The following STXBP4 variants were observed in gnomAD, a reference collection of about 807,000 sequenced individuals.
The protein encoded by STXBP4 is syntaxin-binding protein 4.
A neutral mutation model predicts 76.1 loss-of-function variants in STXBP4; 55 were observed. That is an observed-to-expected ratio of 0.72 (90% CI 0.58 to 0.91). The LOEUF is 0.91. STXBP4 is among the 40% of genes least tolerant of loss of function. STXBP4 has a pLI of 0.00. For missense variants in STXBP4, 618 were observed against 636.9 expected (o/e 0.97, Z 0.32); for synonymous variants, 201 against 220.2 (o/e 0.91, Z 0.77).
chr17:55,037,706 C>T (rs1290979672), intron 10 of STXBP4, among the ~76,000 whole-genome samples: 1 of 152,012 alleles, frequency 6.6e-6, no homozygotes, highest in East Asian at 1.9e-4. Context: ...ACATATTTTA[C>T]ACCATACTCA....
chr17:55,061,420 T>C (rs2078993664), intron 12 of STXBP4, among the ~76,000 whole-genome samples: 1 of 152,190 alleles, frequency 6.6e-6, no homozygotes, highest in Non-Finnish European at 1.5e-5. Flanking sequence ...AGTATAGCAC[T>C]AGTAGGTGTT....
In STXBP4 at chr17:55,121,745, G is replaced by C. The variant is rs534465752; in HGVS notation, c.1490-19565G>C. Among the ~76,000 whole-genome samples, 5 of 152,066 alleles carry C rather than the reference G, an allele frequency of 3.3e-5. No individual in the cohort carries two copies. The South Asian group carries it at 1.0e-3, about 32-fold the overall frequency. ...AGAGTGGCCACCCACCCCAGTTCTG[G>C]TCAATGAGTTATAAAGTAAAGTCTG... On this transcript the variant is annotated intron_variant, in intron 16 of 17. Transcript: ENST00000376352.
rs2080333475 is a variant in STXBP4 at position 55,161,152 on chromosome 17, G to A, written c.*1241G>A. ...CCTAGTCTACTGAATTTCATATGGT[G>A]TATAATACAGATTTATATGGTAAAG... On this transcript the variant is annotated 3_prime_UTR_variant, in exon 18 of 18. Transcript: ENST00000376352. The A allele has an allele frequency of 6.6e-6, 1 of 152,140 alleles. No individual in the cohort carries two copies. The highest frequency in any genetic ancestry group is 2.4e-5 in the African/African-American group (1 of 41,424). 9.4% of individuals were successfully genotyped at this position (152,140 alleles called of 1,614,324 possible).
chr17:55,042,851 A>G (rs2078726960), intron 10 of STXBP4, among the ~76,000 whole-genome samples: 1 of 152,162 alleles, frequency 6.6e-6, no homozygotes, highest in South Asian at 2.1e-4. Context: ...TATAATGTAC[A>G]GCATTTTGTT....
intron 13 of STXBP4, among the ~76,000 whole-genome samples, chr17:55,074,582 A>G (rs2079158267): frequency 6.6e-6 from 1 of 152,188 alleles, no homozygotes; most frequent in African/African-American, 2.4e-5. Context: ...TAAATGATAT[A>G]ACTTTCAAGA....
intron 5 of STXBP4, 36 bp from the exon 6 acceptor site, chr17:54,999,596 T>G: frequency 2.5e-6 from 4 of 1,569,998 alleles, no homozygotes; most frequent in Non-Finnish European, 3.5e-6. Flanking sequence ...ACTATATTCA[T>G]AGCATATCCA....
intron 10 of STXBP4, among the ~76,000 whole-genome samples, chr17:55,039,826 A>G (rs2078668287): frequency 6.6e-6 from 1 of 152,136 alleles, no homozygotes; most frequent in Non-Finnish European, 1.5e-5. Flanking sequence ...AATAAGGAGA[A>G]AGCCTTTTTC....
At chr17:55,048,583 G>T (rs1398325873) in intron 12 of STXBP4, among the ~76,000 whole-genome samples, 1 of 151,324 alleles carries the variant, frequency 6.6e-6, no homozygotes, top group Admixed American at 6.6e-5. Context: ...CATCTCAAAT[G>T]AGAAACTTAA....
chr17:55,094,908 T>C (rs1483278467), intron 16 of STXBP4, among the ~76,000 whole-genome samples: 1 of 152,160 alleles, frequency 6.6e-6, no homozygotes, highest in Non-Finnish European at 1.5e-5. Context: ...TGTGAATCAA[T>C]CCCAAAGCTC....
At chr17:55,192,587 T>A in the STXBP4 span, among the ~76,000 whole-genome samples, 3 of 152,168 alleles carry the variant, frequency 2.0e-5, no homozygotes, top group Non-Finnish European at 4.4e-5. Context: ...AGGAAATACC[T>A]GAAGAGGGGA....
chr17:55,176,607 G>A (rs939833713), downstream of STXBP4, among the ~76,000 whole-genome samples: 3 of 152,274 alleles, frequency 2.0e-5, no homozygotes, highest in East Asian at 1.9e-4. Context: ...TCTTAAGTAC[G>A]GTGTGATCAT....
Position 55,161,000 on chromosome 17 carries a change from T to C in STXBP4, c.*1089T>C, listed in dbSNP as rs544157343. ...CATTACTGCTCTACTCGAAACAAGA[T>C]GGAAGCCTAAAGCCCAAGTCGAGCA... On this transcript the variant is annotated 3_prime_UTR_variant, in exon 18 of 18. Transcript: ENST00000376352. The C allele has an allele frequency of 6.6e-6, 1 of 152,322 alleles. No individual in the cohort carries two copies. The highest frequency in any genetic ancestry group is 2.4e-5 in the African/African-American group (1 of 41,554). 9.4% of individuals were successfully genotyped at this position (152,322 alleles called of 1,614,324 possible). A position where few individuals can be genotyped will look rare whatever the true frequency, so the allele number is the denominator to read the frequency against.
At chr17:55,090,861 G>C (rs199500237) in intron 16 of STXBP4, among the ~76,000 whole-genome samples, 2 of 12,826 alleles carry the variant, frequency 1.6e-4, no homozygotes, top group African/African-American at 5.2e-4. Context: ...GTGTCTGTGT[G>C]TGTGTGTGTG....
rs750524623 is a variant in STXBP4 at position 54,999,705 on chromosome 17, A to G, written c.361A>G (p.Thr121Ala). The G allele has an allele frequency of 1.2e-6, 2 of 1,613,706 alleles. No homozygotes were observed. Among genetic ancestry groups the G allele is most frequent in the African/African-American group, 1.3e-5 (1 of 74,920 alleles). ...CATTCAGCCAGAAAATCTGTCATGT[A>G]CATCACTTATAGAAGCTTCAGGAGA... ...DNIQPENLSC[T>A]SLIEASGEYG... Residue 121 changes from threonine (T) to alanine (A), a missense_variant, in exon 6 of 18, where the codon ACA (threonine) becomes GCA (alanine). Coordinates refer to ENST00000376352, the MANE Select transcript of STXBP4 (RefSeq NM_178509.6).
At position 55,043,311 on chromosome 17, in the gene STXBP4, G is replaced by GT; in HGVS notation, c.932dup (p.Asn312LysfsTer4). ...TGAAAGAGATGATGCCTTGAAAGAA[G>GT]TAAATACACTTAAGGTAACCTCTAA... On this transcript the variant is annotated frameshift_variant, in exon 11 of 18. Transcript: ENST00000376352. LOFTEE classifies it high-confidence loss of function. The GT allele has an allele frequency of 6.6e-7, 1 of 1,515,008 alleles. No homozygotes were observed. The highest frequency in any genetic ancestry group is 8.8e-7 in the Non-Finnish European group (1 of 1,129,952). 93.8% of individuals were successfully genotyped at this position (1,515,008 alleles called of 1,614,324 possible).
At chr17:55,185,469 A>G in the STXBP4 span, among the ~76,000 whole-genome samples, 44 of 152,010 alleles carry the variant, frequency 2.9e-4, no homozygotes, top group African/African-American at 1.0e-3. Context: ...GTGTGCACAT[A>G]GAGAGGAAAA....
intron 13 of STXBP4, among the ~76,000 whole-genome samples, chr17:55,073,922 C>T (rs2079150924): frequency 2.0e-5 from 3 of 152,112 alleles, no homozygotes; most frequent in South Asian, 2.1e-4. Context: ...AGCCACCACG[C>T]CTGGACAGTG....
At chr17:55,043,563 A>G (rs1299921835) in intron 11 of STXBP4, 11 of 1,479,106 alleles carry the variant, frequency 7.4e-6, no homozygotes, top group East Asian at 2.5e-5. Flanking sequence ...GTTTTTGCTC[A>G]TGTCTTCTGT....
At chr17:54,982,924 G>T (rs1567870741) in intron 1 of STXBP4, among the ~76,000 whole-genome samples, 1 of 152,110 alleles carries the variant, frequency 6.6e-6, no homozygotes, top group South Asian at 2.1e-4. Flanking sequence ...CCAGCATACT[G>T]TAGTAGAAAC....
Sources: gnomAD v4.1 joint callset for allele counts (sites outside exome capture counted in the v4.1 genomes callset) on GRCh38, gnomAD v4.1.1 for gene constraint, MANE v1.5 for transcripts, NCBI Gene and HGNC (gene_info 2026-07-23, HGNC 2026-07-21) for gene names.